Variants in PLD1 observed in about 807,000 individuals in gnomAD.
PLD1 encodes the protein choline phosphatase 1.
A neutral mutation model predicts 137.1 loss-of-function variants in PLD1; 112 were observed. The ratio of observed to expected loss-of-function variants is 0.82; its 90% CI spans 0.70 to 0.96. The LOEUF is 0.96. PLD1 is among the 40% of genes least tolerant of loss of function. The probability of loss-of-function intolerance (pLI) is 0.00; values close to 1 mark genes in which losing one functional copy is unlikely to be tolerated. For missense variants in PLD1, 1,321 were observed against 1,342.0 expected, an observed-to-expected ratio of 0.98 and a Z score of 0.24; for synonymous variants, 431 against 454.7, an observed-to-expected ratio of 0.95 and a Z score of 0.66.
intron 23 of PLD1, among the ~76,000 whole-genome samples, chr3:171,629,722 A>C (rs1254620887): frequency 3.9e-5 from 6 of 152,104 alleles, no homozygotes; most frequent in African/African-American, 1.4e-4. Context: ...ATCTACAACT[A>C]TCTGATCTTT....
At chr3:171,699,262 G>T (rs16856578) in intron 12 of PLD1, among the ~76,000 whole-genome samples, 49,586 of 151,958 alleles carry the variant, frequency 0.33, 9,640 homozygotes, top group African/African-American at 0.53. Context: ...ATTTTTACCA[G>T]GAACTTTACC....
chr3:171,660,071 T>C (rs897402078), intron 20 of PLD1, among the ~76,000 whole-genome samples: 2 of 152,194 alleles, frequency 1.3e-5, no homozygotes, highest in African/African-American at 2.4e-5. Flanking sequence ...TGTGTTCAAA[T>C]AGAATAGATT....
chr3:171,795,795 C>T (rs1723412675), intron 1 of PLD1, among the ~76,000 whole-genome samples: 3 of 152,194 alleles, frequency 2.0e-5, no homozygotes, highest in Admixed American at 2.0e-4. Flanking sequence ...TTTAGTACAA[C>T]CTCAATATTA....
At chr3:171,692,804 AG>A (rs1276950540) in intron 12 of PLD1, among the ~76,000 whole-genome samples, 3 of 152,204 alleles carry the variant, frequency 2.0e-5, no homozygotes, top group African/African-American at 4.8e-5. Context: ...TACAGGCATG[AG>A]CCACTGCACC....
chr3:171,674,567 G>C lies in PLD1; in HGVS notation c.2162C>G (p.Pro721Arg). The part of the protein sequence containing the change: ...YRSLSYPFLL[P>R]KSQTTAHELR... Reference sequence around the variant, plus strand: ...CTCATGGGCTGTTGTTTGAGACTTTGGAAGCAGAAAAGGATAAGAAAGGGA... The same window carrying C: ...CTCATGGGCTGTTGTTTGAGACTTTCGAAGCAGAAAAGGATAAGAAAGGGA... The change falls in exon 19 of 27, where the codon CCA becomes CGA. Residue 721 changes from proline (P) to arginine (R), a missense_variant. Pro to Arg is a moderately radical substitution (Grantham distance 103, BLOSUM62 -2). Transcript: ENST00000351298. 1 of 1,610,522 alleles carries C rather than the reference G, an allele frequency of 6.2e-7. No homozygotes were observed. The highest frequency in any genetic ancestry group is 8.5e-7 in the Non-Finnish European group (1 of 1,177,012).
chr3:171,619,894 A>T (rs1020846469), intron 24 of PLD1, among the ~76,000 whole-genome samples: 11 of 151,748 alleles, frequency 7.2e-5, no homozygotes, highest in African/African-American at 2.4e-4. Context: ...ACACAGCGAG[A>T]CCCCCATCTC....
chr3:171,790,390 C>T (rs147300755), intron 1 of PLD1, among the ~76,000 whole-genome samples: 7 of 152,274 alleles, frequency 4.6e-5, no homozygotes, highest in African/African-American at 9.6e-5. Context: ...CATGATGTTA[C>T]GGTTATTACT....
chr3:171,776,440 T>G (rs1722593982), intron 1 of PLD1, among the ~76,000 whole-genome samples: 1 of 152,256 alleles, frequency 6.6e-6, no homozygotes, highest in South Asian at 2.1e-4. Context: ...TTCTGATTGG[T>G]GATCCAGAGT....
intron 23 of PLD1, among the ~76,000 whole-genome samples, chr3:171,627,605 T>G (rs1734239370): frequency 1.3e-5 from 2 of 152,118 alleles, no homozygotes; most frequent in Non-Finnish European, 2.9e-5. Flanking sequence ...ACCACATAGT[T>G]GGAAGTAAAG....
intron 1 of PLD1, among the ~76,000 whole-genome samples, chr3:171,806,141 C>T (rs957246197): frequency 6.6e-6 from 1 of 152,146 alleles, no homozygotes; most frequent in African/African-American, 2.4e-5. Flanking sequence ...GAGTGCAAGG[C>T]ACAAAGTAAA....
chr3:171,748,272 G>T (rs1268198451), intron 1 of PLD1, among the ~76,000 whole-genome samples: 1 of 152,164 alleles, frequency 6.6e-6, no homozygotes, highest in Admixed American at 6.5e-5. Context: ...TTGTACAACC[G>T]CTGGATTGAC....
At chr3:171,606,280 G>T (rs1732196493) in intron 25 of PLD1, among the ~76,000 whole-genome samples, 1 of 152,198 alleles carries the variant, frequency 6.6e-6, no homozygotes, top group South Asian at 2.1e-4. Context: ...AATTCTGTGG[G>T]TAGAGCTGGT....
intron 23 of PLD1, among the ~76,000 whole-genome samples, chr3:171,637,870 A>T (rs151001702): frequency 6.6e-6 from 1 of 152,132 alleles, no homozygotes; most frequent in Admixed American, 6.5e-5. Flanking sequence ...AAAACATGGT[A>T]TAAGAGATCA....
At chr3:171,703,869 G>A (rs1716447647) in intron 11 of PLD1, among the ~76,000 whole-genome samples, 1 of 152,124 alleles carries the variant, frequency 6.6e-6, no homozygotes, top group South Asian at 2.1e-4. Flanking sequence ...GGGTTGCAGT[G>A]GAAAGCCCAA....
chr3:171,664,483 A>G (rs1711874880), intron 19 of PLD1, among the ~76,000 whole-genome samples: 1 of 146,938 alleles, frequency 6.8e-6, no homozygotes, highest in Non-Finnish European at 1.5e-5. Context: ...TTTGAGACGG[A>G]GTCTTGTTCT....
Position 171,735,544 on chromosome 3 carries a change from T to C in PLD1, c.382A>G (p.Arg128Gly). ...AAGGCTTTGTACTTGAGCAGCTCTCTGTGAAATTCTTGAAAATGCTTGAAT... is the reference window on the plus strand; with the variant it reads ...AAGGCTTTGTACTTGAGCAGCTCTCCGTGAAATTCTTGAAAATGCTTGAAT... Reference protein sequence around the residue: ...RKFKHFQEFHRELLKYKAFIR... With the variant: ...RKFKHFQEFHGELLKYKAFIR... The change falls in exon 4 of 27, where the codon AGA (arginine) becomes GGA (glycine). Residue 128 changes from arginine to glycine, a missense_variant. Transcript: ENST00000351298. 6.2e-7 allele frequency: 1 copy of C among 1,612,626 alleles called. No homozygotes were observed. The highest frequency in any genetic ancestry group is 8.5e-7 in the Non-Finnish European group (1 of 1,178,604).
chr3:171,626,336 G>A (rs557713852), intron 23 of PLD1, among the ~76,000 whole-genome samples: 229 of 152,342 alleles, frequency 1.5e-3, no homozygotes, highest in African/African-American at 5.0e-3. Flanking sequence ...AAGCCTCCAA[G>A]AAATATGGGA....
At chr3:171,750,691 G>T (rs1272125772) in intron 1 of PLD1, among the ~76,000 whole-genome samples, 1 of 152,130 alleles carries the variant, frequency 6.6e-6, no homozygotes, top group South Asian at 2.1e-4. Flanking sequence ...CACTAATGAC[G>T]ATAAACTTCT....
intron 21 of PLD1, among the ~76,000 whole-genome samples, chr3:171,650,056 C>T (rs553057441): frequency 3.9e-5 from 6 of 152,132 alleles, no homozygotes; most frequent in Admixed American, 6.5e-5. Flanking sequence ...ACTCTGTGAC[C>T]GGAGAAACGA....
Sources: gnomAD v4.1 joint callset for allele counts (sites outside exome capture counted in the v4.1 genomes callset) on GRCh38, gnomAD v4.1.1 for gene constraint, MANE v1.5 for transcripts, NCBI Gene and HGNC (gene_info 2026-07-23, HGNC 2026-07-21) for gene names.